RCVRN: variants seen among roughly 807,000 people sequenced by gnomAD.
The protein encoded by RCVRN is recoverin, also known as cancer associated retinopathy antigen.
A neutral mutation model predicts 20.4 loss-of-function variants in RCVRN; 23 were observed. That is an observed-to-expected ratio of 1.13 (90% CI 0.81 to 1.60). RCVRN has a LOEUF of 1.60. Among genes scored for constraint, RCVRN ranks in the 40% most tolerant of loss-of-function variants. The pLI, the probability that RCVRN is intolerant of heterozygous loss-of-function variation, is 0.00. For missense variants in RCVRN, 254 were observed against 254.2 expected (o/e 1.00, Z 0.00); for synonymous variants, 105 against 105.9 (o/e 0.99, Z 0.05).
At chr17:9,898,490 G>A (rs1029986659) in intron 2 of RCVRN, among the ~76,000 whole-genome samples, 6 of 152,194 alleles carry the variant, frequency 3.9e-5, no homozygotes, top group Admixed American at 1.3e-4. Context: ...TGTCTCTTCC[G>A]ATTGGCCGGT....
rs374805649 is a variant in RCVRN, at chr17:9,901,039, G to A, written c.443C>T (p.Pro148Leu). The A allele has an allele frequency of 9.3e-6, 15 of 1,610,228 alleles. No individual in the cohort carries two copies. The highest frequency in any genetic ancestry group is 1.7e-5 in the Admixed American group (1 of 59,916). Residue 148 changes from proline to leucine, a missense_variant, in exon 2 of 3, where the codon CCG becomes CTG. By Grantham distance (98) the Pro-to-Leu change is moderately conservative. Transcript: ENST00000226193. ...VKLLPDDENT[P>L]EKRAEKIWKY... The stretch of plus-strand genomic sequence containing the variant: ...CCAGATCTTCTCGGCTCGCTTTTCC[G>A]GCGTGTTTTCATCGTCTGGAAGGAG...
In RCVRN at chr17:9,897,927, G is replaced by T; in HGVS notation, c.*168C>A. The T allele has an allele frequency of 1.6e-6, 1 of 608,952 alleles. No individual in the cohort carries two copies. The highest frequency in any genetic ancestry group is 2.9e-6 in the Non-Finnish European group (1 of 339,208). The allele number at this position is 608,952 out of a possible 1,614,324, so 37.7% of individuals were successfully genotyped here. A position where few individuals can be genotyped will look rare whatever the true frequency, so the allele number is the denominator to read the frequency against. ...GGGTCACTACAGATGCTTCAGTTTGGCAGGGAGCTGTGCTGTGGGCTTGTG... is the reference window on the plus strand; with the variant it reads ...GGGTCACTACAGATGCTTCAGTTTGTCAGGGAGCTGTGCTGTGGGCTTGTG... On this transcript the variant is annotated 3_prime_UTR_variant, in exon 3 of 3. Transcript: ENST00000226193.
At position 9,900,470 on chromosome 17, in the gene RCVRN, TCTTCCTTTCTTTCCTAAC is replaced by T. The variant is rs1343621411; in HGVS notation, c.493+501_493+518del. On this transcript the variant is annotated intron_variant, in intron 2 of 2. Transcript: ENST00000226193. ...GCAGTCTCGGGCATTACTTACCTAA[TCTTCCTTTCTTTCCTAAC>T]CTTCCTTTCTTTCCTAACCTTCCTT... Among the ~76,000 whole-genome samples the T allele has an allele frequency of 1.7e-3, 253 of 148,072 alleles. 3 individuals are homozygous for T. In the East Asian group the frequency reaches 0.039, roughly 23 times the overall value.
rs750872052 is a variant in RCVRN at position 9,905,074 on chromosome 17, A to G, written c.107T>C (p.Leu36Pro). 1.2e-6 allele frequency: 2 copies of G among 1,611,516 alleles called. No individual in the cohort carries two copies. Among genetic ancestry groups the G allele is most frequent in the South Asian group, 2.2e-5 (2 of 90,684 alleles). ...EELCSWYQSFLKDCPTGRITQ... is the reference protein window; with the variant it reads ...EELCSWYQSFPKDCPTGRITQ... ...GATGCGGCCGGTGGGACAGTCCTTC[A>G]GGAAGGACTGGTACCAGGAGCACAG... Residue 36 changes from leucine to proline, a missense_variant, in exon 1 of 3, where the codon CTG becomes CCG. Physicochemically the swap from Leu to Pro is moderately conservative, Grantham distance 98. Coordinates refer to ENST00000226193, the MANE Select transcript of RCVRN (RefSeq NM_002903.3).
rs763760257 is a variant in RCVRN at position 9,904,524 on chromosome 17, T to C, written c.381+276A>G. Among the ~76,000 whole-genome samples the C allele has an allele frequency of 2.0e-5, 3 of 152,254 alleles. No homozygotes were observed. Among genetic ancestry groups the C allele is most frequent in the Non-Finnish European group, 4.4e-5 (3 of 68,042 alleles). On this transcript the variant is annotated intron_variant, in intron 1 of 2. Coordinates refer to ENST00000226193, the MANE Select transcript of RCVRN (RefSeq NM_002903.3). The surrounding 1 kb of genome is among the most constrained non-coding windows in gnomAD (Gnocchi z 5.8). The stretch of plus-strand genomic sequence containing the variant: ...AATCTTATGGGACCACAGTGGTCTA[T>C]ATCGTCCGTTGTTGACCCAAACATC...
In RCVRN at chr17:9,901,077, G is replaced by A. The variant is rs751016056; in HGVS notation, c.405C>T (p.Pro135=). 19 of 1,603,200 alleles carry A rather than the reference G, an allele frequency of 1.2e-5. No individual in the cohort carries two copies. Among genetic ancestry groups the A allele is most frequent in the Admixed American group, 8.4e-5 (5 of 59,568 alleles). The part of the protein sequence containing the change: ...IVMAIFKMIT[P]EDVKLLPDDE... ...CGTCTGGAAGGAGCTTCACGTCCTC[G>A]GGAGTGATCATTTTGAAAATAGCCT... Residue 135 remains proline, a synonymous_variant, in exon 2 of 3, where the codon CCC becomes CCT. Coordinates refer to ENST00000226193, the MANE Select transcript of RCVRN (RefSeq NM_002903.3).
At chr17:9,903,688 A>G (rs2067350834) in intron 1 of RCVRN, among the ~76,000 whole-genome samples, 1 of 152,258 alleles carries the variant, frequency 6.6e-6, no homozygotes, top group Non-Finnish European at 1.5e-5. Context: ...CGTGTCGCTC[A>G]GAGACAGGAA....
Position 9,904,697 on chromosome 17 carries a change from C to T in RCVRN, c.381+103G>A. ...CAGAGCCAGTGGCCCGCATCCCCCG[C>T]TCCACCCACAGATCCACTCCCTCTG... On this transcript the variant is annotated intron_variant, in intron 1 of 2. Coordinates refer to ENST00000226193, the MANE Select transcript of RCVRN (RefSeq NM_002903.3). This position sits in a 1 kb window ranked among gnomAD's most constrained non-coding sequence, Gnocchi z 5.8. The T allele has an allele frequency of 7.4e-7, 1 of 1,359,548 alleles. No individual in the cohort carries two copies. Among genetic ancestry groups the T allele is most frequent in the Non-Finnish European group, 1.0e-6 (1 of 982,488 alleles). 84.2% of individuals were successfully genotyped at this position (1,359,548 alleles called of 1,614,324 possible). A position where few individuals can be genotyped will look rare whatever the true frequency, so the allele number is the denominator to read the frequency against.
chr17:9,901,040 G>A lies in RCVRN; in HGVS notation c.442C>T (p.Pro148Ser), dbSNP rs2067339337. The A allele has an allele frequency of 6.2e-7, 1 of 1,610,626 alleles. No individual in the cohort carries two copies. The highest frequency in any genetic ancestry group is 8.5e-7 in the Non-Finnish European group (1 of 1,177,196). ...CAGATCTTCTCGGCTCGCTTTTCCG[G>A]CGTGTTTTCATCGTCTGGAAGGAGC... ...VKLLPDDENT[P>S]EKRAEKIWKY... Residue 148 changes from proline (P) to serine (S), a missense_variant, in exon 2 of 3, where the codon CCG (proline) becomes TCG (serine). Pro to Ser is a moderately conservative substitution (Grantham distance 74, BLOSUM62 -1). Transcript: ENST00000226193.
Position 9,897,778 on chromosome 17 carries a change from A to C in RCVRN, c.*317T>G, listed in dbSNP as rs940158908. On this transcript the variant is annotated 3_prime_UTR_variant, in exon 3 of 3. Coordinates refer to ENST00000226193, the MANE Select transcript of RCVRN (RefSeq NM_002903.3). ...CCACAAAGGAGCTTACAGCGGGGTG[A>C]CACTTAGGACTCCTATGGCCTAATC... 14 of 252,142 alleles carry C rather than the reference A, an allele frequency of 5.6e-5. No homozygotes were observed. The highest frequency in any genetic ancestry group is 7.6e-6 in the Non-Finnish European group (1 of 131,554). The allele number at this position is 252,142 out of a possible 1,614,324, so 15.6% of individuals were successfully genotyped here. A position where few individuals can be genotyped will look rare whatever the true frequency, so the allele number is the denominator to read the frequency against.
chr17:9,903,763 G>A (rs1558226), intron 1 of RCVRN, among the ~76,000 whole-genome samples: 97,254 of 151,798 alleles, frequency 0.64, 32,054 homozygotes, highest in East Asian at 0.8. Flanking sequence ...ATCCTTGCAC[G>A]AACACAGATG....
rs2067333854 is a variant in RCVRN at position 9,899,821 on chromosome 17, CTCTTATT to C, written c.493+1161_493+1167del. On this transcript the variant is annotated intron_variant, in intron 2 of 2. Coordinates refer to ENST00000226193, the MANE Select transcript of RCVRN (RefSeq NM_002903.3). This position sits in a 1 kb window ranked among gnomAD's most constrained non-coding sequence, Gnocchi z 4.6. The stretch of plus-strand genomic sequence containing the variant: ...TCCTACCCCAATGACCTTCATGCTT[CTCTTATT>C]TCATCATTTGTTGGCAGATTAGGAG... Among the ~76,000 whole-genome samples, 1 of 152,204 alleles carries C rather than the reference CTCTTATT, an allele frequency of 6.6e-6. No individual in the cohort carries two copies. The highest frequency in any genetic ancestry group is 2.4e-5 in the African/African-American group (1 of 41,450).
At chr17:9,902,500 T>C (rs1426391531) in intron 1 of RCVRN, among the ~76,000 whole-genome samples, 1 of 151,628 alleles carries the variant, frequency 6.6e-6, no homozygotes, top group Non-Finnish European at 1.5e-5. Context: ...CAATAGTCTC[T>C]ACTAACAGGA....
In RCVRN at chr17:9,898,135, A is replaced by T. The variant is rs765516742; in HGVS notation, c.563T>A (p.Phe188Tyr). Residue 188 changes from phenylalanine (F) to tyrosine (Y), a missense_variant, in exon 3 of 3, where the codon TTT (phenylalanine) becomes TAT (tyrosine). Phe to Tyr is a conservative substitution (Grantham distance 22). Transcript: ENST00000226193. Reference protein sequence around the residue: ...ANKEILRLIQFEPQKVKEKMK... With the variant: ...ANKEILRLIQYEPQKVKEKMK... ...CTTTTCCTTCACTTTTTGAGGCTCA[A>T]ACTGGATCAGTCGCAGAATTTCCTT... 1 of 1,613,854 alleles carries T rather than the reference A, an allele frequency of 6.2e-7. No homozygotes were observed. The highest frequency in any genetic ancestry group is 1.3e-5 in the African/African-American group (1 of 74,850).
chr17:9,902,609 G>A (rs894060242), intron 1 of RCVRN, among the ~76,000 whole-genome samples: 3 of 151,890 alleles, frequency 2.0e-5, no homozygotes, highest in African/African-American at 7.3e-5. Context: ...TGGTATAATA[G>A]GAAAGAAATG....
In RCVRN at chr17:9,897,986, GT is replaced by G; in HGVS notation, c.*108del. 1.4e-6 allele frequency: 1 copy of G among 700,212 alleles called. No individual in the cohort carries two copies. Among genetic ancestry groups the G allele is most frequent in the Admixed American group, 2.0e-5 (1 of 49,600 alleles). The allele number at this position is 700,212 out of a possible 1,614,324, so 43.4% of individuals were successfully genotyped here. A position where few individuals can be genotyped will look rare whatever the true frequency, so the allele number is the denominator to read the frequency against. On this transcript the variant is annotated 3_prime_UTR_variant, in exon 3 of 3. Coordinates refer to ENST00000226193, the MANE Select transcript of RCVRN (RefSeq NM_002903.3). ...TTTCTCTTGGCCCTGGGGTGGATGT[GT>G]GTGTGTGTGTGTGCGCGCGCGTGTG...
rs760660418 is a variant in RCVRN, at chr17:9,898,018, ATGTG to A, written c.*73_*76del. 24 of 854,540 alleles carry A rather than the reference ATGTG, an allele frequency of 2.8e-5. No homozygotes were observed. Among genetic ancestry groups the A allele is most frequent in the Admixed American group, 7.1e-5 (4 of 56,334 alleles). 52.9% of individuals were successfully genotyped at this position (854,540 alleles called of 1,614,324 possible). ...TGTGTGTGCGCGCGCGTGTGTGTGC[ATGTG>A]TGTGTGTGTGCACAGGCGCTCACGG... On this transcript the variant is annotated 3_prime_UTR_variant, in exon 3 of 3. Transcript: ENST00000226193.
chr17:9,903,591 G>A (rs138032695), intron 1 of RCVRN, among the ~76,000 whole-genome samples: 34 of 152,380 alleles, frequency 2.2e-4, no homozygotes, highest in African/African-American at 7.9e-4. Context: ...CAACTTGAAT[G>A]TGTACTGCTG....
intron 2 of RCVRN, among the ~76,000 whole-genome samples, chr17:9,900,774 C>T (rs755309603): frequency 7.9e-5 from 12 of 152,174 alleles, no homozygotes; most frequent in Non-Finnish European, 1.6e-4. Context: ...GAAGTTTGCT[C>T]TTGTTCTAAT....
Sources: allele counts gnomAD v4.1 joint callset (sites outside exome capture counted in the v4.1 genomes callset), GRCh38; gene constraint gnomAD v4.1.1; non-coding constraint Gnocchi (gnomAD v3.1); transcripts MANE v1.5; gene names NCBI Gene and HGNC (gene_info 2026-07-23, HGNC 2026-07-21).